The following MACROD2 variants were observed in gnomAD, a reference collection of about 807,000 sequenced individuals.
MACROD2 encodes ADP-ribose glycohydrolase MACROD2.
In MACROD2, 36 loss-of-function variants were observed where a neutral mutation model predicts 70.4. That is an observed-to-expected ratio of 0.51 (90% CI 0.39 to 0.68). The LOEUF (loss-of-function observed/expected upper bound fraction) is 0.68. Ranked by LOEUF, MACROD2 falls within the 30% of genes least tolerant of loss-of-function variation. MACROD2 has a pLI of 0.00. For missense variants in MACROD2, 496 were observed against 538.4 expected (o/e 0.92, Z 0.78); for synonymous variants, 172 against 178.8 (o/e 0.96, Z 0.30).
intron 12 of MACROD2, among the ~76,000 whole-genome samples, chr20:15,948,036 C>T (rs2065849447): frequency 6.6e-6 from 1 of 152,024 alleles, no homozygotes; most frequent in African/African-American, 2.4e-5. Flanking sequence ...ATTGGCCAAC[C>T]TCCCCAACAG....
chr20:14,749,910 G>T (rs2071847968), intron 5 of MACROD2, among the ~76,000 whole-genome samples: 1 of 152,072 alleles, frequency 6.6e-6, no homozygotes, highest in South Asian at 2.1e-4. Flanking sequence ...GTAATTACCA[G>T]GGGCTAGGAG....
intron 8 of MACROD2, among the ~76,000 whole-genome samples, chr20:15,848,345 G>A (rs977524328): frequency 5.3e-5 from 8 of 151,946 alleles, no homozygotes; most frequent in African/African-American, 1.9e-4. Context: ...AGAGGCCAAA[G>A]TCACTGTACA....
intron 8 of MACROD2, among the ~76,000 whole-genome samples, chr20:15,816,948 CAGCG>C (rs1013211834): frequency 5.9e-5 from 9 of 152,260 alleles, no homozygotes; most frequent in African/African-American, 9.6e-5. Flanking sequence ...ATGTTCGTGC[CAGCG>C]AGAATTCAAT....
chr20:14,417,930 T>C (rs550421780), intron 3 of MACROD2, among the ~76,000 whole-genome samples: 1 of 152,338 alleles, frequency 6.6e-6, no homozygotes, highest in East Asian at 1.9e-4. Flanking sequence ...TTTTAGAAAT[T>C]ATAATAACAC....
chr20:14,089,494 T>C (rs981706860), intron 3 of MACROD2, among the ~76,000 whole-genome samples: 25 of 152,330 alleles, frequency 1.6e-4, no homozygotes, highest in African/African-American at 6.0e-4. Flanking sequence ...CACCTGGTCT[T>C]AGTTGCTATG....
At chr20:14,080,181 C>T (rs541115798) in intron 2 of MACROD2, among the ~76,000 whole-genome samples, 22 of 152,196 alleles carry the variant, frequency 1.4e-4, no homozygotes, top group Admixed American at 1.0e-3. Flanking sequence ...CGGTGGCTCA[C>T]GCCTGTAATC....
chr20:15,506,768 G>T (rs2047430877), intron 8 of MACROD2, among the ~76,000 whole-genome samples: 1 of 152,198 alleles, frequency 6.6e-6, no homozygotes, highest in African/African-American at 2.4e-5. Context: ...TTATGCAAAA[G>T]GCATAATGTG....
intron 5 of MACROD2, among the ~76,000 whole-genome samples, chr20:15,216,009 A>C (rs2076807166): frequency 6.6e-6 from 1 of 152,146 alleles, no homozygotes; most frequent in African/African-American, 2.4e-5. Flanking sequence ...AGAAAATGAA[A>C]GAGTAGTAAT....
intron 15 of MACROD2, among the ~76,000 whole-genome samples, chr20:15,990,230 G>A (rs367908480): frequency 3.9e-5 from 6 of 152,072 alleles, no homozygotes; most frequent in South Asian, 2.1e-4. Context: ...AAATCCAGTC[G>A]AATAACGTCA....
At chr20:15,427,557 A>G (rs1381349971) in intron 6 of MACROD2, among the ~76,000 whole-genome samples, 2 of 152,142 alleles carry the variant, frequency 1.3e-5, no homozygotes, top group Non-Finnish European at 2.9e-5. Context: ...AGAGAGAGAG[A>G]GGAAGCAGGA....
intron 5 of MACROD2, among the ~76,000 whole-genome samples, chr20:14,790,306 A>G (rs1312183311): frequency 1.3e-5 from 2 of 151,922 alleles, no homozygotes; most frequent in African/African-American, 4.8e-5. Context: ...GTCAGATTTT[A>G]TTGCTTTAGG....
chr20:15,927,174 C>A (rs1221311272), intron 10 of MACROD2, among the ~76,000 whole-genome samples: 1 of 152,146 alleles, frequency 6.6e-6, no homozygotes, highest in East Asian at 1.9e-4. Context: ...AGATATCATA[C>A]TTCATCTGCC....
chr20:14,252,705 CTTG>C (rs1292382764), intron 3 of MACROD2, among the ~76,000 whole-genome samples: 1 of 151,920 alleles, frequency 6.6e-6, no homozygotes, highest in Non-Finnish European at 1.5e-5. Flanking sequence ...ATCTCATGTT[CTTG>C]TTATTTCTTG....
intron 3 of MACROD2, among the ~76,000 whole-genome samples, chr20:14,132,755 C>T (rs962294677): frequency 1.2e-4 from 18 of 152,120 alleles, no homozygotes; most frequent in African/African-American, 4.3e-4. Flanking sequence ...CCTCTTTTCT[C>T]AGCCTCCTGA....
intron 5 of MACROD2, among the ~76,000 whole-genome samples, chr20:15,028,701 C>G (rs2075252017): frequency 6.6e-6 from 1 of 152,030 alleles, no homozygotes; most frequent in Admixed American, 6.5e-5. Context: ...CATGGCTGAG[C>G]TGAGATGTGA....
intron 10 of MACROD2, among the ~76,000 whole-genome samples, chr20:15,899,321 TACATATAC>T (rs1255464283): frequency 6.6e-6 from 1 of 152,128 alleles, no homozygotes; most frequent in African/African-American, 2.4e-5. Context: ...TATACATATA[TACATATAC>T]ATGTATATCT....
chr20:15,797,879 C>G (rs1366637179), intron 8 of MACROD2, among the ~76,000 whole-genome samples: 1 of 152,160 alleles, frequency 6.6e-6, no homozygotes, highest in Non-Finnish European at 1.5e-5. Context: ...AACAAGTTCC[C>G]AAGTGATAGT....
intron 4 of MACROD2, among the ~76,000 whole-genome samples, chr20:14,540,089 G>A (rs1342593959): frequency 1.3e-5 from 2 of 152,082 alleles, no homozygotes; most frequent in Non-Finnish European, 2.9e-5. Context: ...CATTTTTAAA[G>A]ACATTATGGC....
At chr20:14,729,808 G>A (rs1013096889) in intron 5 of MACROD2, among the ~76,000 whole-genome samples, 1 of 151,944 alleles carries the variant, frequency 6.6e-6, no homozygotes, top group Non-Finnish European at 1.5e-5. Context: ...CTAAATGTAC[G>A]AAGAAGTCAC....
Sources: gnomAD v4.1 joint callset for allele counts (sites outside exome capture counted in the v4.1 genomes callset) on GRCh38, gnomAD v4.1.1 for gene constraint, MANE v1.5 for transcripts, NCBI Gene and HGNC (gene_info 2026-07-23, HGNC 2026-07-21) for gene names.